SEMA6D: variants seen among roughly 807,000 people sequenced by gnomAD.
SEMA6D encodes semaphorin-6D.
Under a neutral mutation model 106.6 loss-of-function variants are expected in SEMA6D, and 35 were observed. The ratio of observed to expected loss-of-function variants is 0.33; its 90% CI spans 0.25 to 0.44. The LOEUF (loss-of-function observed/expected upper bound fraction) is 0.44, where lower values mean the gene tolerates loss of function less well. SEMA6D is among the 20% of genes least tolerant of loss of function. The pLI is 1.00. For missense variants in SEMA6D, 1,185 were observed against 1,345.9 expected, an observed-to-expected ratio of 0.88 and a Z score of 1.87; for synonymous variants, 499 against 487.7, an observed-to-expected ratio of 1.02 and a Z score of -0.31.
chr15:47,605,883 G>T (rs1261597733), intron 4 of SEMA6D, among the ~76,000 whole-genome samples: 1 of 152,072 alleles, frequency 6.6e-6, no homozygotes, highest in Non-Finnish European at 1.5e-5. Context: ...TTTTTTGGAG[G>T]TTTTATTAAG....
intron 1 of SEMA6D, among the ~76,000 whole-genome samples, chr15:47,239,054 T>C (rs2032738957): frequency 6.6e-6 from 1 of 152,146 alleles, no homozygotes; most frequent in African/African-American, 2.4e-5. Context: ...TAGTGAAGGT[T>C]CATCTGTATT....
chr15:47,467,001 T>C (rs1031410430), intron 2 of SEMA6D, among the ~76,000 whole-genome samples: 7 of 151,934 alleles, frequency 4.6e-5, no homozygotes, highest in Admixed American at 1.3e-4. Flanking sequence ...AGTGCTGGGA[T>C]TACAGGCATG....
At chr15:47,195,543 T>C (rs1030599026) in intron 1 of SEMA6D, among the ~76,000 whole-genome samples, 4 of 152,028 alleles carry the variant, frequency 2.6e-5, no homozygotes, top group Admixed American at 2.6e-4. Context: ...GTTTGCATGA[T>C]TTGTGGTTAT....
At chr15:47,535,682 A>C (rs2045139295) in intron 3 of SEMA6D, among the ~76,000 whole-genome samples, 1 of 151,990 alleles carries the variant, frequency 6.6e-6, no homozygotes, top group East Asian at 1.9e-4. Flanking sequence ...AAATACAAAA[A>C]AAAAATAAAT....
intron 4 of SEMA6D, among the ~76,000 whole-genome samples, chr15:47,646,124 A>G (rs2077578457): frequency 6.6e-6 from 1 of 152,112 alleles, no homozygotes; most frequent in Admixed American, 6.5e-5. Context: ...TATCCTCCCC[A>G]GAGGTTGGAG....
chr15:47,650,426 G>T (rs1418401256), intron 4 of SEMA6D, among the ~76,000 whole-genome samples: 5 of 152,140 alleles, frequency 3.3e-5, no homozygotes. Context: ...TTAAAGATAT[G>T]CCACCTGGCA....
chr15:47,535,069 C>CAAAA (rs796493775), intron 3 of SEMA6D, among the ~76,000 whole-genome samples: 1,138 of 93,222 alleles, frequency 0.012, 5 homozygotes, highest in Admixed American at 0.028. Flanking sequence ...AAGAATGTGA[C>CAAAA]AAAAAAAAAA....
At chr15:47,469,437 A>G (rs984460148) in intron 2 of SEMA6D, among the ~76,000 whole-genome samples, 1 of 152,060 alleles carries the variant, frequency 6.6e-6, no homozygotes, top group Non-Finnish European at 1.5e-5. Context: ...ATGTTAAGAA[A>G]TCAGGACACT....
chr15:47,364,754 A>G (rs754069368), intron 1 of SEMA6D, among the ~76,000 whole-genome samples: 1 of 128,990 alleles, frequency 7.8e-6, no homozygotes, highest in Non-Finnish European at 1.6e-5. Flanking sequence ...TCGTCCCCCT[A>G]CTGCCACCCT....
chr15:47,523,542 A>G lies in SEMA6D; in HGVS notation c.-87+52997A>G, dbSNP rs758335906. Among the ~76,000 whole-genome samples the G allele has an allele frequency of 5.4e-4, 82 of 152,162 alleles. 1 individual carries two copies. The highest frequency in any genetic ancestry group is 2.2e-3 in the Admixed American group (33 of 15,284). ...ATCGTCCTCTCATGGAACTCTTGAAATGATGCCCAGACTTAAACAGGAAGG... is the reference window on the plus strand; with the variant it reads ...ATCGTCCTCTCATGGAACTCTTGAAGTGATGCCCAGACTTAAACAGGAAGG... On this transcript the variant is annotated intron_variant, in intron 3 of 19. Transcript: ENST00000558014.
intron 4 of SEMA6D, among the ~76,000 whole-genome samples, chr15:47,608,881 G>A (rs117543651): frequency 0.015 from 2,244 of 147,282 alleles, 31 homozygotes; most frequent in Middle Eastern, 0.041. Flanking sequence ...ACAGGACCAA[G>A]CTATAAATTA....
chr15:47,417,248 T>C (rs1469579276), intron 2 of SEMA6D, among the ~76,000 whole-genome samples: 1 of 152,090 alleles, frequency 6.6e-6, no homozygotes, highest in Non-Finnish European at 1.5e-5. Flanking sequence ...ATTTAATATT[T>C]ATTTGTTTTA....
intron 4 of SEMA6D, among the ~76,000 whole-genome samples, chr15:47,640,752 G>A (rs543440053): frequency 1.3e-5 from 2 of 152,194 alleles, no homozygotes; most frequent in Admixed American, 1.3e-4. Flanking sequence ...TTAAGTCAGC[G>A]TTAACTAGTC....
chr15:47,728,338 G>T (rs969602506), intron 1 of SEMA6D, among the ~76,000 whole-genome samples: 22 of 152,162 alleles, frequency 1.4e-4, no homozygotes, highest in Admixed American at 1.2e-3. Flanking sequence ...GTATTATTAT[G>T]ATACAATGAA....
intron 4 of SEMA6D, among the ~76,000 whole-genome samples, chr15:47,641,864 A>G (rs1164350316): frequency 2.0e-5 from 3 of 152,254 alleles, no homozygotes; most frequent in African/African-American, 7.2e-5. Flanking sequence ...TCACTTTTTG[A>G]TAATCCCCAG....
At chr15:47,653,868 C>T (rs142725352) in intron 4 of SEMA6D, among the ~76,000 whole-genome samples, 12 of 152,234 alleles carry the variant, frequency 7.9e-5, no homozygotes, top group Admixed American at 5.9e-4. Context: ...AGGCCCTTGC[C>T]GTCATTCATT....
chr15:47,755,667 G>T (rs896682924), intron 1 of SEMA6D, among the ~76,000 whole-genome samples: 11 of 151,754 alleles, frequency 7.2e-5, no homozygotes, highest in African/African-American at 2.7e-4. Flanking sequence ...AGTGTAGCTT[G>T]TCAGAGGCCC....
chr15:47,747,500 G>A (rs559183437), intron 1 of SEMA6D, among the ~76,000 whole-genome samples: 6 of 152,184 alleles, frequency 3.9e-5, no homozygotes, highest in Non-Finnish European at 5.9e-5. Context: ...CCTTGCATAA[G>A]AGGTTTTTAA....
chr15:47,281,606 G>A (rs1373400072), intron 1 of SEMA6D, among the ~76,000 whole-genome samples: 1 of 152,038 alleles, frequency 6.6e-6, no homozygotes, highest in South Asian at 2.1e-4. Flanking sequence ...GTTAGTTGAT[G>A]CAGTTTCTTC....
Sources: gnomAD v4.1 joint callset for allele counts (sites outside exome capture counted in the v4.1 genomes callset) on GRCh38, gnomAD v4.1.1 for gene constraint, MANE v1.5 for transcripts, NCBI Gene and HGNC (gene_info 2026-07-23, HGNC 2026-07-21) for gene names.